KCNMB1: variants seen among roughly 807,000 people sequenced by gnomAD.
KCNMB1 encodes the protein potassium calcium-activated channel subfamily M regulatory beta subunit 1, also known as calcium-activated potassium channel subunit beta-1.
In KCNMB1, 22 loss-of-function variants were observed where a neutral mutation model predicts 21.7. The ratio of observed to expected loss-of-function variants is 1.01; its 90% CI spans 0.72 to 1.45. KCNMB1 has a LOEUF of 1.45. Among genes scored for constraint, KCNMB1 ranks in the 40% most tolerant of loss-of-function variants. The pLI, the probability that KCNMB1 is intolerant of heterozygous loss-of-function variation, is 0.00. For synonymous variants in KCNMB1, 114 were observed against 107.6 expected, an observed-to-expected ratio of 1.06 and a Z score of -0.37; for missense variants, 243 against 243.4, an observed-to-expected ratio of 1.00 and a Z score of 0.01.
chr5:170,385,301 G>A lies in KCNMB1; in HGVS notation c.134+13C>T, dbSNP rs749234236. ...GAGGGTTGGGGGGTGGGCAGGCCGG[G>A]AGAGCTCAGTACCTTTTCTGGTAGA... is the stretch of plus-strand genomic sequence containing the variant. On this transcript the variant is annotated intron_variant, in intron 2 of 3. Transcript: ENST00000274629. The A allele has an allele frequency of 2.5e-6, 4 of 1,613,904 alleles. No individual in the cohort carries two copies. Among genetic ancestry groups the A allele is most frequent in the East Asian group, 4.5e-5 (2 of 44,888 alleles).
At position 170,383,778 on chromosome 5, in the gene KCNMB1, C is replaced by A. The variant is rs760585437; in HGVS notation, c.207G>T (p.Lys69Asn). 3 of 1,614,110 alleles carry A rather than the reference C, an allele frequency of 1.9e-6. No homozygotes were observed. The highest frequency in any genetic ancestry group is 3.3e-4 in the Middle Eastern group (2 of 6,062). ...NIRDQEELKG[K>N]KVPQYPCLWV... ...ACAGGCATGGGTACTGGGGCACCTTCTTGCCCTTCAGCTCCTCCTGGTCCC... is the reference window on the plus strand; with the variant it reads ...ACAGGCATGGGTACTGGGGCACCTTATTGCCCTTCAGCTCCTCCTGGTCCC... The change falls in exon 3 of 4, where the codon AAG becomes AAT. Residue 69 changes from lysine to asparagine, a missense_variant. Physicochemically the swap from Lys to Asn is moderately conservative, Grantham distance 94. Transcript: ENST00000274629.
At position 170,378,802 on chromosome 5, in the gene KCNMB1, A is replaced by T; in HGVS notation, c.478T>A (p.Ser160Thr). Residue 160 changes from serine to threonine, a missense_variant, in exon 4 of 4, where the codon TCC becomes ACC. Ser to Thr is a moderately conservative substitution (Grantham distance 58). Coordinates refer to ENST00000274629, the MANE Select transcript of KCNMB1 (RefSeq NM_004137.4). ...RLYGPQALLFSLFWPTFLLTG... is the reference protein window; with the variant it reads ...RLYGPQALLFTLFWPTFLLTG... The stretch of plus-strand genomic sequence containing the variant: ...AGCAGGAAGGTGGGCCAGAAGAGGG[A>T]GAAGAGGAGGGCCTGGGGCCCGTAG... 6.2e-7 allele frequency: 1 copy of T among 1,614,138 alleles called. No homozygotes were observed. The highest frequency in any genetic ancestry group is 8.5e-7 in the Non-Finnish European group (1 of 1,179,996).
chr5:170,384,373 C>G (rs1764379547), intron 2 of KCNMB1, among the ~76,000 whole-genome samples: 1 of 152,156 alleles, frequency 6.6e-6, no homozygotes, highest in Non-Finnish European at 1.5e-5. Flanking sequence ...GTGTTCTTTC[C>G]CCTAAAAGGA....
chr5:170,386,474 T>C (rs750111318), intron 1 of KCNMB1, among the ~76,000 whole-genome samples: 4 of 152,190 alleles, frequency 2.6e-5, no homozygotes, highest in African/African-American at 9.6e-5. Flanking sequence ...ACAACAGTCA[T>C]AGGTCCCATG....
intron 3 of KCNMB1, chr5:170,382,996 G>A (rs1338222816): frequency 1.5e-5 from 2 of 130,506 alleles, no homozygotes; most frequent in Non-Finnish European, 3.3e-5. Flanking sequence ...AAGGAGGGAG[G>A]GGAAAAAAAA....
intron 1 of KCNMB1, among the ~76,000 whole-genome samples, chr5:170,386,122 C>CACA (rs1764460929): frequency 7.5e-6 from 1 of 133,786 alleles, no homozygotes; most frequent in East Asian, 2.2e-4. Flanking sequence ...AAGACTCCGT[C>CACA]AAAAAAAAAA....
intron 3 of KCNMB1, among the ~76,000 whole-genome samples, chr5:170,381,895 G>A (rs1435526521): frequency 1.3e-5 from 2 of 152,190 alleles, no homozygotes; most frequent in Non-Finnish European, 2.9e-5. Context: ...CCTCCAGTGG[G>A]CCCTGAGACC....
chr5:170,375,370 A>G lies in KCNMB1; in HGVS notation c.*3334T>C. 1 of 152,242 alleles carries G rather than the reference A, an allele frequency of 6.6e-6. No homozygotes were observed. Among genetic ancestry groups the G allele is most frequent in the East Asian group, 1.9e-4 (1 of 5,200 alleles). The allele number at this position is 152,242 out of a possible 1,614,324, so 9.4% of individuals were successfully genotyped here. A position where few individuals can be genotyped will look rare whatever the true frequency, so the allele number is the denominator to read the frequency against. ...GGAAGGAAGGTCCACCAGGTAAGAA[A>G]CTGGAGGCCACAGGGATACCTCTGG... is the stretch of plus-strand genomic sequence containing the variant. On this transcript the variant is annotated 3_prime_UTR_variant, in exon 4 of 4. Coordinates refer to ENST00000274629, the MANE Select transcript of KCNMB1 (RefSeq NM_004137.4).
intron 3 of KCNMB1, among the ~76,000 whole-genome samples, chr5:170,382,220 A>T (rs1472172069): frequency 3.9e-5 from 6 of 152,136 alleles, no homozygotes; most frequent in African/African-American, 1.4e-4. Context: ...TGCCCTAAAG[A>T]TTCCCATTGC....
At chr5:170,380,435 G>C (rs1348817504) in intron 3 of KCNMB1, among the ~76,000 whole-genome samples, 1 of 152,230 alleles carries the variant, frequency 6.6e-6, no homozygotes, top group African/African-American at 2.4e-5. Flanking sequence ...CAGGTGTTGA[G>C]CCAGATTCCT....
At position 170,378,670 on chromosome 5, in the gene KCNMB1, G is replaced by A. The variant is rs765520720; in HGVS notation, c.*34C>T. 6.4e-7 allele frequency: 1 copy of A among 1,569,656 alleles called. No homozygotes were observed. Among genetic ancestry groups the A allele is most frequent in the Non-Finnish European group, 8.6e-7 (1 of 1,159,294 alleles). ...CCTGGGGGCCCAGCCAGTCCCCTGTGCCCTGACAAGTGGTATGGCATGGAT... is the reference window on the plus strand; with the variant it reads ...CCTGGGGGCCCAGCCAGTCCCCTGTACCCTGACAAGTGGTATGGCATGGAT... On this transcript the variant is annotated 3_prime_UTR_variant, in exon 4 of 4. Transcript: ENST00000274629.
Position 170,377,352 on chromosome 5 carries a change from C to T in KCNMB1, c.*1352G>A, listed in dbSNP as rs183899897. ...ATTTCTCACAAGCTGCCACAGGATC[C>T]TGATGCTGCTGGCCCAGGGACCACA... is the stretch of plus-strand genomic sequence containing the variant. On this transcript the variant is annotated 3_prime_UTR_variant, in exon 4 of 4. Transcript: ENST00000274629. The T allele has an allele frequency of 1.0e-4, 16 of 152,408 alleles. No homozygotes were observed. In the East Asian group the frequency reaches 2.9e-3, roughly 28 times the overall value. The allele number at this position is 152,408 out of a possible 1,614,324, so 9.4% of individuals were successfully genotyped here. A position where few individuals can be genotyped will look rare whatever the true frequency, so the allele number is the denominator to read the frequency against.
chr5:170,378,439 T>G lies in KCNMB1; in HGVS notation c.*265A>C. ...GCAGCCGGAAACAGGTATGAGTCAGTTGAGTGGGGACAGGTAATAGAGAGC... is the reference window on the plus strand; with the variant it reads ...GCAGCCGGAAACAGGTATGAGTCAGGTGAGTGGGGACAGGTAATAGAGAGC... On this transcript the variant is annotated 3_prime_UTR_variant, in exon 4 of 4. Transcript: ENST00000274629. 2.3e-6 allele frequency: 1 copy of G among 436,364 alleles called. No individual in the cohort carries two copies. Among genetic ancestry groups the G allele is most frequent in the East Asian group, 3.8e-5 (1 of 26,660 alleles). The allele number at this position is 436,364 out of a possible 1,614,324, so 27.0% of individuals were successfully genotyped here.
rs1230766764 is a variant in KCNMB1, at chr5:170,375,235, T to G, written c.*3469A>C. On this transcript the variant is annotated 3_prime_UTR_variant, in exon 4 of 4. Transcript: ENST00000274629. ...TAATATTTAATATTTTGCAAAACTA[T>G]AGTACAATATTACAATTAAGACTTT... 1 of 152,242 alleles carries G rather than the reference T, an allele frequency of 6.6e-6. No homozygotes were observed. Among genetic ancestry groups the G allele is most frequent in the Non-Finnish European group, 1.5e-5 (1 of 68,048 alleles). 9.4% of individuals were successfully genotyped at this position (152,242 alleles called of 1,614,324 possible). A position where few individuals can be genotyped will look rare whatever the true frequency, so the allele number is the denominator to read the frequency against.
At chr5:170,382,105 A>G (rs1764267048) in intron 3 of KCNMB1, among the ~76,000 whole-genome samples, 2 of 152,122 alleles carry the variant, frequency 1.3e-5, no homozygotes, top group Admixed American at 1.3e-4. Context: ...TGCAGGCCAC[A>G]TCTTGGTCGT....
At chr5:170,383,263 C>T (rs549884498) in intron 3 of KCNMB1, 55 of 348,444 alleles carry the variant, frequency 1.6e-4, no homozygotes, top group African/African-American at 1.0e-3. Flanking sequence ...TGGCCCTGGG[C>T]CTGGTCCCTC....
At chr5:170,382,275 T>C (rs1386372155) in intron 3 of KCNMB1, among the ~76,000 whole-genome samples, 1 of 152,224 alleles carries the variant, frequency 6.6e-6, no homozygotes, top group African/African-American at 2.4e-5. Flanking sequence ...GGGAGCTCCA[T>C]GAATGGATCT....
intron 3 of KCNMB1, among the ~76,000 whole-genome samples, chr5:170,381,930 C>T (rs893071542): frequency 2.0e-5 from 3 of 152,188 alleles, no homozygotes; most frequent in African/African-American, 7.2e-5. Context: ...GGGGCCGAGT[C>T]ATACTAGCGA....
rs573405749 is a variant in KCNMB1, at chr5:170,379,389, C to G, written c.307-416G>C. Among the ~76,000 whole-genome samples the G allele has an allele frequency of 3.3e-5, 5 of 152,286 alleles. 1 individual carries two copies. In the South Asian group the frequency reaches 1.0e-3, roughly 32 times the overall value. On this transcript the variant is annotated intron_variant, in intron 3 of 3. Transcript: ENST00000274629. ...TATCTAAGGAAACCAGGGAGGGACA[C>G]AGGCCAAGTGGGCTGTGTATTTGAA...
Sources: allele counts gnomAD v4.1 joint callset (sites outside exome capture counted in the v4.1 genomes callset), GRCh38; gene constraint gnomAD v4.1.1; transcripts MANE v1.5; gene names NCBI Gene and HGNC (gene_info 2026-07-23, HGNC 2026-07-21).